PPM1A: variants seen among roughly 807,000 people sequenced by gnomAD.
PPM1A encodes the protein protein phosphatase, Mg2+/Mn2+ dependent 1A, also known as protein phosphatase 1A.
In PPM1A, 7 loss-of-function variants were observed where a neutral mutation model predicts 35.0. That is an observed-to-expected ratio of 0.20 (90% CI 0.11 to 0.38). The LOEUF is 0.38. Among genes scored for constraint, PPM1A ranks in the 10% least tolerant of loss-of-function variants. The probability of loss-of-function intolerance (pLI) is 1.00; values close to 1 mark genes in which losing one functional copy is unlikely to be tolerated. For synonymous variants in PPM1A, 153 were observed against 167.3 expected, an observed-to-expected ratio of 0.91 and a Z score of 0.66; for missense variants, 239 against 467.8, an observed-to-expected ratio of 0.51 and a Z score of 4.51.
At position 60,273,521 on chromosome 14, in the gene PPM1A, T is replaced by C. The variant is rs748603812; in HGVS notation, c.-20-9163T>C. On this transcript the variant is annotated intron_variant, in intron 1 of 5. Coordinates refer to ENST00000395076, the MANE Select transcript of PPM1A (RefSeq NM_021003.5). The surrounding 1 kb of genome is among the most constrained non-coding windows in gnomAD (Gnocchi z 4.3). The stretch of plus-strand genomic sequence containing the variant: ...TCATGTGAGCCATATTAAGCAGTTA[T>C]TTATCCACCTCCTACCCCCAGCAGT... Among the ~76,000 whole-genome samples the C allele has an allele frequency of 6.6e-6, 1 of 152,154 alleles. No individual in the cohort carries two copies. Among genetic ancestry groups the C allele is most frequent in the African/African-American group, 2.4e-5 (1 of 41,422 alleles).
intron 1 of PPM1A, among the ~76,000 whole-genome samples, chr14:60,270,620 C>T (rs561638678): frequency 2.6e-5 from 4 of 152,264 alleles, no homozygotes; most frequent in South Asian, 2.1e-4. Flanking sequence ...TTTTAGTTAT[C>T]ATATTTCATT....
intron 1 of PPM1A, among the ~76,000 whole-genome samples, chr14:60,263,786 A>T (rs1434478450): frequency 6.6e-6 from 1 of 152,174 alleles, no homozygotes; most frequent in Non-Finnish European, 1.5e-5. Context: ...CATTTTGTCC[A>T]TAGATGTACT....
chr14:60,287,388 G>A, intron 3 of PPM1A: 1 of 981,056 alleles, frequency 1.0e-6, no homozygotes, highest in African/African-American at 1.7e-5. Context: ...ATTAAATATG[G>A]TATTTTTTAC....
chr14:60,283,439 G>A lies in PPM1A; in HGVS notation c.736G>A (p.Gly246Arg). 1 of 1,614,136 alleles carries A rather than the reference G, an allele frequency of 6.2e-7. No homozygotes were observed. The highest frequency in any genetic ancestry group is 1.1e-5 in the South Asian group (1 of 91,082). Reference protein sequence around the residue: ...LACDGIWDVMGNEELCDFVRS... With the variant: ...LACDGIWDVMRNEELCDFVRS... The stretch of plus-strand genomic sequence containing the variant: ...ATGTGATGGTATCTGGGATGTTATG[G>A]GAAATGAAGAGCTCTGTGATTTTGT... Residue 246 changes from glycine to arginine, a missense_variant, in exon 2 of 6, where the codon GGA becomes AGA. This residue lies in a region of PPM1A where 175 missense variants were observed against 389.2 expected (regional missense o/e 0.45). Transcript: ENST00000395076. This position sits in a 1 kb window ranked among gnomAD's most constrained non-coding sequence, Gnocchi z 6.3.
chr14:60,254,572 C>T (rs1882831169), intron 1 of PPM1A, among the ~76,000 whole-genome samples: 1 of 152,120 alleles, frequency 6.6e-6, no homozygotes, highest in African/African-American at 2.4e-5. Flanking sequence ...CTGATTAACT[C>T]AGTTATTACC....
chr14:60,252,782 A>G (rs1882593407), intron 1 of PPM1A, among the ~76,000 whole-genome samples: 1 of 152,174 alleles, frequency 6.6e-6, no homozygotes, highest in Non-Finnish European at 1.5e-5. Context: ...CACTCTTTCA[A>G]ATGTCTTATG....
rs1284965755 is a variant in PPM1A at position 60,289,764 on chromosome 14, A to C, written c.953-42A>C. 7.5e-7 allele frequency: 1 copy of C among 1,330,258 alleles called. No homozygotes were observed. Among genetic ancestry groups the C allele is most frequent in the Non-Finnish European group, 1.1e-6 (1 of 936,510 alleles). The allele number at this position is 1,330,258 out of a possible 1,614,324, so 82.4% of individuals were successfully genotyped here. ...TTTGTTTCGGTTTTCTTTTCAATTAAATTTGGATAACACTTACAAAAAAAG... is the reference window on the plus strand; with the variant it reads ...TTTGTTTCGGTTTTCTTTTCAATTACATTTGGATAACACTTACAAAAAAAG... On this transcript the variant is annotated intron_variant, in intron 3 of 5. Coordinates refer to ENST00000395076, the MANE Select transcript of PPM1A (RefSeq NM_021003.5). This position sits in a 1 kb window ranked among gnomAD's most constrained non-coding sequence, Gnocchi z 4.1.
intron 1 of PPM1A, among the ~76,000 whole-genome samples, chr14:60,251,820 G>T (rs1882455275): frequency 6.6e-6 from 1 of 152,110 alleles, no homozygotes; most frequent in African/African-American, 2.4e-5. Context: ...TTTGGGATTG[G>T]GATGTGTAGG....
chr14:60,267,930 C>G (rs1884585143), intron 1 of PPM1A, among the ~76,000 whole-genome samples: 1 of 152,072 alleles, frequency 6.6e-6, no homozygotes. Flanking sequence ...TGAACCTTTA[C>G]TCTTAAATAT....
upstream of PPM1A, among the ~76,000 whole-genome samples, chr14:60,247,434 C>T (rs1490059144): frequency 6.6e-6 from 1 of 151,878 alleles, no homozygotes; most frequent in Non-Finnish European, 1.5e-5. Flanking sequence ...CCGAGACCAT[C>T]CTGGCCAACA....
At position 60,273,375 on chromosome 14, in the gene PPM1A, T is replaced by C. The variant is rs1330268198; in HGVS notation, c.-20-9309T>C. Among the ~76,000 whole-genome samples, 3 of 151,914 alleles carry C rather than the reference T, an allele frequency of 2.0e-5. No individual in the cohort carries two copies. The highest frequency in any genetic ancestry group is 7.3e-5 in the African/African-American group (3 of 41,322). On this transcript the variant is annotated intron_variant, in intron 1 of 5. Coordinates refer to ENST00000395076, the MANE Select transcript of PPM1A (RefSeq NM_021003.5). This position sits in a 1 kb window ranked among gnomAD's most constrained non-coding sequence, Gnocchi z 4.3. ...TTTATATATTTGGAGGAAGGAAGTATGATGAGTACTAGGTACTGTAAGAAA... is the reference window on the plus strand; with the variant it reads ...TTTATATATTTGGAGGAAGGAAGTACGATGAGTACTAGGTACTGTAAGAAA...
At chr14:60,270,419 G>A (rs1213229971) in intron 1 of PPM1A, among the ~76,000 whole-genome samples, 1 of 151,848 alleles carries the variant, frequency 6.6e-6, no homozygotes, top group Non-Finnish European at 1.5e-5. Context: ...TACTTTTTTA[G>A]TTACTTTTTT....
chr14:60,269,895 C>G (rs1183159342), intron 1 of PPM1A, among the ~76,000 whole-genome samples: 2 of 152,164 alleles, frequency 1.3e-5, no homozygotes, highest in African/African-American at 4.8e-5. Flanking sequence ...AATTTGTAAT[C>G]TTCAAATTAT....
At chr14:60,287,583 A>G in intron 3 of PPM1A, 1 of 985,272 alleles carries the variant, frequency 1.0e-6, no homozygotes, top group African/African-American at 1.7e-5. Context: ...TTCTTTAAAT[A>G]CATGCCTTCA....
rs1883068526 is a variant in PPM1A at position 60,255,869 on chromosome 14, G to A, written c.-21+6192G>A. 2.6e-5 allele frequency among the ~76,000 whole-genome samples: 4 copies of A among 152,284 alleles called. No homozygotes were observed. In the South Asian group the frequency reaches 8.3e-4, roughly 32 times the overall value. On this transcript the variant is annotated intron_variant, in intron 1 of 5. Coordinates refer to ENST00000395076, the MANE Select transcript of PPM1A (RefSeq NM_021003.5). ...AACTTCCTACATTTTGGCTTTGAGG[G>A]TTAACAGGACATTTATAATCACATA...
In PPM1A at chr14:60,249,769, C is replaced by T. The variant is rs1882110145; in HGVS notation, c.-21+92C>T. The T allele has an allele frequency of 3.6e-6, 3 of 829,338 alleles. No homozygotes were observed. The highest frequency in any genetic ancestry group is 4.4e-6 in the Non-Finnish European group (3 of 687,610). 51.4% of individuals were successfully genotyped at this position (829,338 alleles called of 1,614,324 possible). Reference sequence around the variant, plus strand: ...GGCAGGCCTGGGGCCTGTAAACAAGCCGGGCGTCTGCCCGGGCGCTCCCGG... The same window carrying T: ...GGCAGGCCTGGGGCCTGTAAACAAGTCGGGCGTCTGCCCGGGCGCTCCCGG... On this transcript the variant is annotated intron_variant, in intron 1 of 5. Coordinates refer to ENST00000395076, the MANE Select transcript of PPM1A (RefSeq NM_021003.5). This position sits in a 1 kb window ranked among gnomAD's most constrained non-coding sequence, Gnocchi z 4.5.
At chr14:60,257,818 T>TTTTTTG (rs1303152176) in intron 1 of PPM1A, among the ~76,000 whole-genome samples, 2 of 151,946 alleles carry the variant, frequency 1.3e-5, no homozygotes, top group Admixed American at 1.3e-4. Flanking sequence ...GGCTATATAT[T>TTTTTTG]TTTTTGTTTT....
rs1161892641 is a variant in PPM1A, at chr14:60,295,695, A to G, written c.*3213A>G. Reference sequence around the variant, plus strand: ...AGAAATGAGTAGATCCTTGGCTTCAAGTTTACATCTGGACAATTTATAATC... The same window carrying G: ...AGAAATGAGTAGATCCTTGGCTTCAGGTTTACATCTGGACAATTTATAATC... On this transcript the variant is annotated 3_prime_UTR_variant, in exon 6 of 6. Transcript: ENST00000395076. The G allele has an allele frequency of 2.6e-5, 4 of 151,564 alleles. No homozygotes were observed. Among genetic ancestry groups the G allele is most frequent in the Non-Finnish European group, 5.9e-5 (4 of 67,636 alleles). The allele number at this position is 151,564 out of a possible 1,614,324, so 9.4% of individuals were successfully genotyped here.
rs1421966162 is a variant in PPM1A at position 60,294,517 on chromosome 14, A to G, written c.*2035A>G. ...GTGCTTCTAGTATAGACTAATTACC[A>G]GACATACTGGTACTGAAAGCTAAAT... On this transcript the variant is annotated 3_prime_UTR_variant, in exon 6 of 6. Transcript: ENST00000395076. The G allele has an allele frequency of 1.3e-5, 2 of 152,026 alleles. No homozygotes were observed. Among genetic ancestry groups the G allele is most frequent in the South Asian group, 4.1e-4 (2 of 4,824 alleles). The allele number at this position is 152,026 out of a possible 1,614,324, so 9.4% of individuals were successfully genotyped here.
Sources: allele counts gnomAD v4.1 joint callset (sites outside exome capture counted in the v4.1 genomes callset), GRCh38; gene constraint gnomAD v4.1.1; regional missense constraint gnomAD v4.1.1; non-coding constraint Gnocchi (gnomAD v3.1); transcripts MANE v1.5; gene names NCBI Gene and HGNC (gene_info 2026-07-23, HGNC 2026-07-21).